Variants in DYNC1LI2 observed in about 807,000 individuals in gnomAD.
DYNC1LI2 encodes the protein cytoplasmic dynein 1 light intermediate chain 2.
DYNC1LI2 carries 19 observed loss-of-function variants against 57.8 expected under a neutral mutation model. The observed-to-expected ratio is 0.33, with a 90% CI of 0.23 to 0.48. DYNC1LI2 has a LOEUF of 0.48. Ranked by LOEUF, DYNC1LI2 falls within the 20% of genes least tolerant of loss-of-function variation. DYNC1LI2 has a pLI of 0.99. For missense variants in DYNC1LI2, 470 were observed against 604.2 expected (o/e 0.78, Z 2.33); for synonymous variants, 256 against 233.4 (o/e 1.10, Z -0.88).
At chr16:66,740,772 A>C (rs1371366272) in intron 4 of DYNC1LI2, among the ~76,000 whole-genome samples, 4 of 152,210 alleles carry the variant, frequency 2.6e-5, no homozygotes, top group Non-Finnish European at 4.4e-5. Context: ...ACCACACCCT[A>C]GAAATGACAA....
intron 12 of DYNC1LI2, among the ~76,000 whole-genome samples, chr16:66,725,482 AAG>A (rs2017521809): frequency 6.6e-6 from 1 of 152,128 alleles, no homozygotes; most frequent in Non-Finnish European, 1.5e-5. Flanking sequence ...ACCTTGGAAA[AAG>A]AAAAAAAAAG....
At chr16:66,726,613 A>G (rs1018526807) in intron 11 of DYNC1LI2, among the ~76,000 whole-genome samples, 5 of 152,176 alleles carry the variant, frequency 3.3e-5, no homozygotes, top group Admixed American at 3.3e-4. Context: ...CGGCAACGTA[A>G]GTGAGACCCC....
intron 3 of DYNC1LI2, 93 bp downstream of exon 3, chr16:66,749,102 CTG>C: frequency 5.8e-6 from 7 of 1,207,994 alleles, no homozygotes; most frequent in Non-Finnish European, 8.5e-6. Context: ...AAACAGAAAA[CTG>C]AGAATGCCTG....
chr16:66,747,082 A>ATTT lies in DYNC1LI2; in HGVS notation c.298+2112_298+2114dup, dbSNP rs10671755. Among the ~76,000 whole-genome samples, 357 of 142,844 alleles carry ATTT rather than the reference A, an allele frequency of 2.5e-3. 2 individuals are homozygous for ATTT. Among genetic ancestry groups the ATTT allele is most frequent in the East Asian group, 8.2e-3 (40 of 4,904 alleles). 93.7% of individuals were successfully genotyped at this position (142,844 alleles called of 152,430 possible). A position where few individuals can be genotyped will look rare whatever the true frequency, so the allele number is the denominator to read the frequency against. ...AGAGACTCTTACCCATGCCCTCAAC[A>ATTT]TTTTTTTTTTTTTTTGAGACAGAGT... On this transcript the variant is annotated intron_variant, in intron 3 of 12. Transcript: ENST00000258198.
chr16:66,728,902 T>C, intron 9 of DYNC1LI2, 138 bp downstream of exon 9: 1 of 839,178 alleles, frequency 1.2e-6, no homozygotes, highest in Non-Finnish European at 2.0e-6. Context: ...AAGGAGGGAA[T>C]GAGGAGACCT....
chr16:66,747,102 C>CA, intron 3 of DYNC1LI2, among the ~76,000 whole-genome samples: 1 of 137,094 alleles, frequency 7.3e-6, no homozygotes, highest in South Asian at 2.3e-4. Context: ...TTTTTTGAGA[C>CA]AGAGTCTCAC....
At position 66,723,327 on chromosome 16, in the gene DYNC1LI2, A is replaced by G; in HGVS notation, c.*395T>C. The G allele has an allele frequency of 2.2e-6, 1 of 459,148 alleles. No individual in the cohort carries two copies. The highest frequency in any genetic ancestry group is 1.5e-5 in the South Asian group (1 of 64,604). 28.4% of individuals were successfully genotyped at this position (459,148 alleles called of 1,614,324 possible). A position where few individuals can be genotyped will look rare whatever the true frequency, so the allele number is the denominator to read the frequency against. On this transcript the variant is annotated 3_prime_UTR_variant, in exon 13 of 13. Transcript: ENST00000258198. ...TTTCTGCTACTTAATCTGCTTCCCA[A>G]GAACAAGTGAATTTACTAACATGAA... is the stretch of plus-strand genomic sequence containing the variant.
intron 12 of DYNC1LI2, 25 bp downstream of exon 12, chr16:66,725,803 A>C (rs2017527087): frequency 6.2e-7 from 1 of 1,605,730 alleles, no homozygotes; most frequent in Non-Finnish European, 8.5e-7. Flanking sequence ...CACAAGAGTC[A>C]CAAGTCTCCA....
At chr16:66,749,356 G>A (rs368293812) in intron 2 of DYNC1LI2, 43 bp from the exon 3 acceptor site, 35 of 1,576,316 alleles carry the variant, frequency 2.2e-5, no homozygotes, top group Admixed American at 1.5e-4. Context: ...TGTTTATTCC[G>A]GGCAAGGATG....
intron 11 of DYNC1LI2, among the ~76,000 whole-genome samples, chr16:66,726,341 T>C (rs1438608331): frequency 3.9e-5 from 6 of 152,258 alleles, no homozygotes; most frequent in Non-Finnish European, 5.9e-5. Flanking sequence ...AGGCAGTATC[T>C]GTGAGTATCA....
At chr16:66,741,917 A>G (rs2017845310) in intron 4 of DYNC1LI2, among the ~76,000 whole-genome samples, 1 of 150,718 alleles carries the variant, frequency 6.6e-6, no homozygotes, top group Non-Finnish European at 1.5e-5. Context: ...AAAAAAAAAA[A>G]AAAGACCCTC....
intron 4 of DYNC1LI2, 45 bp from the exon 5 acceptor site, chr16:66,736,289 AT>A (rs1307513948): frequency 6.2e-7 from 1 of 1,600,216 alleles, no homozygotes; most frequent in Admixed American, 1.7e-5. Context: ...ATAAATAAAA[AT>A]ACATGTTAGC....
At chr16:66,732,676 A>G (rs368378643) in intron 6 of DYNC1LI2, 1 of 438,076 alleles carries the variant, frequency 2.3e-6, no homozygotes, top group African/African-American at 2.0e-5. Context: ...AATAAATAAA[A>G]AAGTAAAAAG....
chr16:66,725,460 G>A (rs1245383613), intron 12 of DYNC1LI2, among the ~76,000 whole-genome samples: 1 of 152,078 alleles, frequency 6.6e-6, no homozygotes, highest in Non-Finnish European at 1.5e-5. Flanking sequence ...TGGGCAACAA[G>A]AGCAAAACTC....
rs1228463015 is a variant in DYNC1LI2, at chr16:66,751,583, C to G, written c.9G>C (p.Pro3=). 23 of 1,576,042 alleles carry G rather than the reference C, an allele frequency of 1.5e-5. No homozygotes were observed. Among genetic ancestry groups the G allele is most frequent in the Non-Finnish European group, 1.8e-5 (21 of 1,164,104 alleles). MA[P]VGVEKKLLLG... ...GCAGCAGCTTCTTCTCCACCCCCAC[C>G]GGCGCCATCTTGCCAACTGCAGCCA... The change falls in exon 1 of 13, where the codon CCG becomes CCC. Residue 3 remains proline, a synonymous_variant. Transcript: ENST00000258198. This position sits in a 1 kb window ranked among gnomAD's most constrained non-coding sequence, Gnocchi z 5.2.
At chr16:66,732,231 G>A in intron 7 of DYNC1LI2, 108 bp downstream of exon 7, 6 of 1,351,380 alleles carry the variant, frequency 4.4e-6, no homozygotes, top group Non-Finnish European at 6.0e-6. Flanking sequence ...TGAGAGAGCT[G>A]GCTGTAGAAG....
intron 4 of DYNC1LI2, among the ~76,000 whole-genome samples, chr16:66,736,510 GT>G (rs554412653): frequency 1.3e-5 from 2 of 151,442 alleles, no homozygotes; most frequent in South Asian, 2.1e-4. Flanking sequence ...CCCTGAACAG[GT>G]TTTTTTTTCT....
intron 4 of DYNC1LI2, 68 bp downstream of exon 4, chr16:66,742,370 G>A (rs2017855631): frequency 5.3e-6 from 8 of 1,504,184 alleles, no homozygotes; most frequent in Non-Finnish European, 7.2e-6. Context: ...ATTGGGAAAA[G>A]GAAAGTGATT....
chr16:66,725,084 G>A (rs2017512563), intron 12 of DYNC1LI2, among the ~76,000 whole-genome samples: 1 of 151,696 alleles, frequency 6.6e-6, no homozygotes, highest in Admixed American at 6.6e-5. Flanking sequence ...TGAGGCAAGA[G>A]AATTGCTTGA....
Sources: gnomAD v4.1 joint callset for allele counts (sites outside exome capture counted in the v4.1 genomes callset) on GRCh38, gnomAD v4.1.1 for gene constraint, Gnocchi (gnomAD v3.1) non-coding constraint, MANE v1.5 for transcripts, NCBI Gene and HGNC (gene_info 2026-07-23, HGNC 2026-07-21) for gene names.